HDGF: variants seen among roughly 807,000 people sequenced by gnomAD.
HDGF encodes the protein heparin binding growth factor, also known as hepatoma-derived growth factor.
HDGF carries 5 observed loss-of-function variants against 30.0 expected under a neutral mutation model. The observed-to-expected ratio is 0.17, with a 90% CI of 0.09 to 0.35. HDGF has a LOEUF of 0.35. Among genes scored for constraint, HDGF ranks in the 10% least tolerant of loss-of-function variants. The probability of loss-of-function intolerance (pLI) is 1.00; values close to 1 mark genes in which losing one functional copy is unlikely to be tolerated. For synonymous variants in HDGF, 133 were observed against 112.7 expected, an observed-to-expected ratio of 1.18 and a Z score of -1.14; for missense variants, 214 against 302.8, an observed-to-expected ratio of 0.71 and a Z score of 2.18.
Position 156,743,088 on chromosome 1 carries a change from A to G in HDGF, c.*361T>C. 4.7e-6 allele frequency: 1 copy of G among 213,944 alleles called. No homozygotes were observed. 13.3% of individuals were successfully genotyped at this position (213,944 alleles called of 1,614,324 possible). A position where few individuals can be genotyped will look rare whatever the true frequency, so the allele number is the denominator to read the frequency against. Reference sequence around the variant, plus strand: ...ACCCCTGATCCCAACCCAGAGGTCCAGAATGCCTAGGAGAGTGGGAGAAGG... The same window carrying G: ...ACCCCTGATCCCAACCCAGAGGTCCGGAATGCCTAGGAGAGTGGGAGAAGG... On this transcript the variant is annotated 3_prime_UTR_variant, in exon 6 of 6. Coordinates refer to ENST00000357325, the MANE Select transcript of HDGF (RefSeq NM_004494.3).
chr1:156,754,265 A>G (rs1651116967), upstream of HDGF, among the ~76,000 whole-genome samples: 1 of 152,212 alleles, frequency 6.6e-6, no homozygotes, highest in Non-Finnish European at 1.5e-5. Flanking sequence ...AATTTAGTAA[A>G]AAGCAAGAGC....
upstream of HDGF, among the ~76,000 whole-genome samples, chr1:156,754,315 C>T (rs771342723): frequency 2.6e-5 from 4 of 152,178 alleles, no homozygotes; most frequent in African/African-American, 4.8e-5. Context: ...TAATAGCCAG[C>T]GTGGAAGTGG....
chr1:156,748,782 C>T (rs569173911), intron 1 of HDGF, among the ~76,000 whole-genome samples: 1 of 152,338 alleles, frequency 6.6e-6, no homozygotes, highest in South Asian at 2.1e-4. Flanking sequence ...CTGACCACCA[C>T]ACCCAGGGCT....
Position 156,743,086 on chromosome 1 carries a change from C to A in HDGF, c.*363G>T. 4.7e-6 allele frequency: 1 copy of A among 214,018 alleles called. No homozygotes were observed. Among genetic ancestry groups the A allele is most frequent in the Non-Finnish European group, 9.2e-6 (1 of 108,250 alleles). 13.3% of individuals were successfully genotyped at this position (214,018 alleles called of 1,614,324 possible). A position where few individuals can be genotyped will look rare whatever the true frequency, so the allele number is the denominator to read the frequency against. On this transcript the variant is annotated 3_prime_UTR_variant, in exon 6 of 6. Transcript: ENST00000357325. Reference sequence around the variant, plus strand: ...CTACCCCTGATCCCAACCCAGAGGTCCAGAATGCCTAGGAGAGTGGGAGAA... The same window carrying A: ...CTACCCCTGATCCCAACCCAGAGGTACAGAATGCCTAGGAGAGTGGGAGAA...
At chr1:156,745,918 C>T (rs1650508480) in intron 1 of HDGF, among the ~76,000 whole-genome samples, 1 of 152,218 alleles carries the variant, frequency 6.6e-6, no homozygotes, top group African/African-American at 2.4e-5. Context: ...AGTCATAGTA[C>T]TAAAGCTATA....
In HDGF at chr1:156,744,174, C is replaced by T; in HGVS notation, c.478G>A (p.Asp160Asn). 1.9e-6 allele frequency: 3 copies of T among 1,613,932 alleles called. No homozygotes were observed. The highest frequency in any genetic ancestry group is 2.5e-6 in the Non-Finnish European group (3 of 1,179,876). ...EKGALKRRAGDLLEDSPKRPK... is the reference protein window; with the variant it reads ...EKGALKRRAGNLLEDSPKRPK... ...CAGGCAGCAGTTACCTCCAGCAAGTCCCCTGCTCTCCTCTTCAACGCTCCT... is the reference window on the plus strand; with the variant it reads ...CAGGCAGCAGTTACCTCCAGCAAGTTCCCTGCTCTCCTCTTCAACGCTCCT... Residue 160 changes from aspartate to asparagine, a missense_variant, in exon 4 of 6, where the codon GAC becomes AAC. Physicochemically the swap from Asp to Asn is conservative, Grantham distance 23. This residue lies in a region of HDGF where 176 missense variants were observed against 211.7 expected (regional missense o/e 0.83). Coordinates refer to ENST00000357325, the MANE Select transcript of HDGF (RefSeq NM_004494.3).
chr1:156,744,946 G>A, intron 3 of HDGF, 62 bp downstream of exon 3: 1 of 1,585,916 alleles, frequency 6.3e-7, no homozygotes, highest in Non-Finnish European at 8.7e-7. Flanking sequence ...TGGGCCGGGG[G>A]CTGCCAGAGC....
In HDGF at chr1:156,748,342, G is replaced by C. The variant is rs116006421; in HGVS notation, c.88-2969C>G. ...GATGTAGAGGTTATGAGGTCTCAGG[G>C]CAGCCCTGTACCCCAATACAGACAT... On this transcript the variant is annotated intron_variant, in intron 1 of 5. Transcript: ENST00000357325. Among the ~76,000 whole-genome samples the C allele has an allele frequency of 5.1e-3, 774 of 152,324 alleles. 4 individuals carry two copies. The highest frequency in any genetic ancestry group is 0.018 in the African/African-American group (741 of 41,560).
At chr1:156,755,014 C>T (rs1015065336), upstream of HDGF, among the ~76,000 whole-genome samples, 3 of 152,088 alleles carry the variant, frequency 2.0e-5, no homozygotes, top group East Asian at 1.9e-4. Flanking sequence ...ATTTCTAATG[C>T]GCTCCAAGGT....
intron 1 of HDGF, among the ~76,000 whole-genome samples, chr1:156,765,253 C>T (rs1351944818): frequency 9.7e-5 from 14 of 144,270 alleles, no homozygotes; most frequent in Non-Finnish European, 2.0e-4. Context: ...CCACCGCACC[C>T]GGCTAATTTT....
chr1:156,752,051 G>C (rs772504349), upstream of HDGF: 1 of 1,551,430 alleles, frequency 6.4e-7, no homozygotes, highest in South Asian at 1.2e-5. Context: ...CGCGGCCCCA[G>C]CGCAGTTAAG....
intron 1 of HDGF, among the ~76,000 whole-genome samples, chr1:156,760,782 G>A (rs1446999830): frequency 4.0e-5 from 6 of 151,428 alleles, no homozygotes; most frequent in African/African-American, 1.5e-4. Flanking sequence ...CAGTTTGTAA[G>A]CTTTTATTTT....
chr1:156,766,580 C>T (rs531366662), intron 1 of HDGF, among the ~76,000 whole-genome samples: 1 of 152,216 alleles, frequency 6.6e-6, no homozygotes, highest in African/African-American at 2.4e-5. Flanking sequence ...CTCCTATAAA[C>T]ATGGATGGAA....
At chr1:156,764,069 C>CT (rs1288956642) in intron 1 of HDGF, among the ~76,000 whole-genome samples, 4 of 103,320 alleles carry the variant, frequency 3.9e-5, no homozygotes, top group Non-Finnish European at 5.9e-5. Context: ...CCATGCCCGG[C>CT]TTTTTTTCTG....
upstream of HDGF, chr1:156,751,795 C>T: frequency 9.0e-7 from 1 of 1,114,900 alleles, no homozygotes; most frequent in Non-Finnish European, 1.1e-6. This position sits in a 1 kb window ranked among gnomAD's most constrained non-coding sequence, Gnocchi z 4.7. Flanking sequence ...CCCAACCTCG[C>T]GCTCCCTCCC....
chr1:156,746,058 C>T (rs182380801), intron 1 of HDGF, among the ~76,000 whole-genome samples: 249 of 152,330 alleles, frequency 1.6e-3, no homozygotes, highest in Non-Finnish European at 2.9e-3. Flanking sequence ...AATACTCACT[C>T]ACTCCTGATC....
chr1:156,751,405 CCTT>C lies in HDGF; in HGVS notation c.22_24del (p.Lys8del). 3 of 1,599,220 alleles carry C rather than the reference CCTT, an allele frequency of 1.9e-6. No homozygotes were observed. The highest frequency in any genetic ancestry group is 2.3e-5 in the East Asian group (1 of 43,236). The stretch of plus-strand genomic sequence containing the variant: ...AACACCAGGTCCCCGCATTTGTACT[CCTT>C]CTGCCGGTTGGATCGCGACATGGCG... On this transcript the variant is annotated inframe_deletion, in exon 1 of 6. Coordinates refer to ENST00000357325, the MANE Select transcript of HDGF (RefSeq NM_004494.3). The surrounding 1 kb of genome is among the most constrained non-coding windows in gnomAD (Gnocchi z 4.7).
At chr1:156,752,415 G>A, upstream of HDGF, 1 of 1,497,288 alleles carries the variant, frequency 6.7e-7, no homozygotes, top group East Asian at 2.5e-5. Flanking sequence ...TGGACTCAAC[G>A]GCTAGCTAAC....
upstream of HDGF, among the ~76,000 whole-genome samples, chr1:156,754,918 A>G (rs1651130624): frequency 6.6e-6 from 1 of 152,250 alleles, no homozygotes; most frequent in South Asian, 2.1e-4. Flanking sequence ...ATTGCACTCC[A>G]GCCTGGGCAA....
Sources: allele counts gnomAD v4.1 joint callset (sites outside exome capture counted in the v4.1 genomes callset), GRCh38; gene constraint gnomAD v4.1.1; regional missense constraint gnomAD v4.1.1; non-coding constraint Gnocchi (gnomAD v3.1); transcripts MANE v1.5; gene names NCBI Gene and HGNC (gene_info 2026-07-23, HGNC 2026-07-21).